The following GRM5 variants were observed in gnomAD, a reference collection of about 807,000 sequenced individuals.
GRM5 encodes glutamate metabotropic receptor 5.
Under a neutral mutation model 83.1 loss-of-function variants are expected in GRM5, and 19 were observed. The observed-to-expected ratio is 0.23, with a 90% CI of 0.16 to 0.34. The LOEUF is 0.34. GRM5 is among the 10% of genes least tolerant of loss of function. GRM5 has a pLI of 1.00. For synonymous variants in GRM5, 675 were observed against 633.6 expected (o/e 1.07, Z -0.98); for missense variants, 1,160 against 1,588.3 (o/e 0.73, Z 4.58).
rs1000998634 is a variant in GRM5 at position 88,757,163 on chromosome 11, A to C, written c.911+92743T>G. Among the ~76,000 whole-genome samples, 6 of 152,260 alleles carry C rather than the reference A, an allele frequency of 3.9e-5. No homozygotes were observed. The East Asian group carries it at 7.7e-4, about 20-fold the overall frequency. The stretch of plus-strand genomic sequence containing the variant: ...ATTCAAAGCAGTCAAAGGAAAAAAA[A>C]CCGATCTGTCAAATGAGAATTCCAT... On this transcript the variant is annotated intron_variant, in intron 3 of 9. Coordinates refer to ENST00000305447, the MANE Select transcript of GRM5 (RefSeq NM_001143831.3).
intron 2 of GRM5, among the ~76,000 whole-genome samples, chr11:88,956,774 C>G (rs1938630450): frequency 6.6e-6 from 1 of 152,196 alleles, no homozygotes; most frequent in Non-Finnish European, 1.5e-5. Flanking sequence ...CCACTGCAGT[C>G]CGGCCTGGGC....
Position 88,732,859 on chromosome 11 carries a change from C to G in GRM5, c.912-79456G>C, listed in dbSNP as rs112868098. ...TTCTGCCCTAGAGACTGTGGATGTC[C>G]TGTCTTGGCTATAGTTTTCCAGGAC... On this transcript the variant is annotated intron_variant, in intron 3 of 9. Transcript: ENST00000305447. 3.5e-3 allele frequency among the ~76,000 whole-genome samples: 531 copies of G among 152,116 alleles called. 1 individual carries two copies. The highest frequency in any genetic ancestry group is 0.012 in the African/African-American group (506 of 41,530).
chr11:88,649,301 A>T (rs1939563946), intron 4 of GRM5, among the ~76,000 whole-genome samples: 1 of 139,874 alleles, frequency 7.1e-6, no homozygotes, highest in Admixed American at 7.6e-5. Flanking sequence ...CATATATATT[A>T]TACATTACAT....
Position 88,522,599 on chromosome 11 carries a change from CTCTCTG to C in GRM5, c.2726+2704_2726+2709del, listed in dbSNP as rs1319633470. ...TCTCTCTCTCTCTCGCTCTCTCTCT[CTCTCTG>C]TGTGTGTGTGTGTGTGTGTGTGTGT... is the stretch of plus-strand genomic sequence containing the variant. On this transcript the variant is annotated intron_variant, in intron 9 of 9. Transcript: ENST00000305447. Among the ~76,000 whole-genome samples, 7 of 97,348 alleles carry C rather than the reference CTCTCTG, an allele frequency of 7.2e-5. No individual in the cohort carries two copies. The East Asian group carries it at 1.8e-3, about 25-fold the overall frequency. 63.9% of individuals were successfully genotyped at this position (97,348 alleles called of 152,430 possible).
intron 7 of GRM5, among the ~76,000 whole-genome samples, chr11:88,575,266 A>G (rs1591359304): frequency 6.6e-6 from 1 of 152,206 alleles, no homozygotes; most frequent in East Asian, 1.9e-4. Context: ...ATCATGTGTT[A>G]TTCCAGAAAT....
At chr11:88,773,749 A>T (rs1942788606) in intron 3 of GRM5, among the ~76,000 whole-genome samples, 1 of 152,204 alleles carries the variant, frequency 6.6e-6, no homozygotes. Flanking sequence ...TTTGTCAAAA[A>T]TCAGATGGTT....
chr11:88,643,540 A>G (rs1939354595), intron 4 of GRM5, among the ~76,000 whole-genome samples: 1 of 152,190 alleles, frequency 6.6e-6, no homozygotes, highest in Admixed American at 6.5e-5. Context: ...CAATAAGATT[A>G]GGGAATAATC....
chr11:88,519,552 G>A (rs1243655567), intron 9 of GRM5, among the ~76,000 whole-genome samples: 1 of 152,136 alleles, frequency 6.6e-6, no homozygotes, highest in African/African-American at 2.4e-5. Flanking sequence ...TGCAGATAAA[G>A]CATTTGACAC....
chr11:88,897,676 T>A (rs1945251073), intron 2 of GRM5, among the ~76,000 whole-genome samples: 1 of 151,826 alleles, frequency 6.6e-6, no homozygotes, highest in South Asian at 2.1e-4. Context: ...CATTCTACAA[T>A]GCATAGGAAA....
chr11:88,644,956 G>C (rs1447462638), intron 4 of GRM5, among the ~76,000 whole-genome samples: 1 of 151,972 alleles, frequency 6.6e-6, no homozygotes, highest in Non-Finnish European at 1.5e-5. Flanking sequence ...ACTTTTATAG[G>C]GGAGTGGTTG....
chr11:88,679,091 A>T (rs1368130870), intron 3 of GRM5, among the ~76,000 whole-genome samples: 1 of 152,306 alleles, frequency 6.6e-6, no homozygotes. Context: ...TTTTAGAAAC[A>T]ACTTTCTATA....
intron 8 of GRM5, among the ~76,000 whole-genome samples, chr11:88,549,703 C>T (rs183074310): frequency 1.0e-3 from 156 of 152,022 alleles, no homozygotes; most frequent in Middle Eastern, 3.4e-3. Flanking sequence ...ATGTAGCAGA[C>T]TGGTGGCTGG....
chr11:88,893,373 T>C (rs1293594912), intron 2 of GRM5, among the ~76,000 whole-genome samples: 12 of 152,026 alleles, frequency 7.9e-5, no homozygotes, highest in Non-Finnish European at 4.4e-5. Flanking sequence ...TTGAGCATGT[T>C]ATAGATGGTT....
chr11:88,510,673 C>T (rs539721390), intron 9 of GRM5, among the ~76,000 whole-genome samples: 3 of 152,310 alleles, frequency 2.0e-5, no homozygotes, highest in East Asian at 3.9e-4. Flanking sequence ...TGCGCCACCA[C>T]GCCCAGCTAA....
intron 2 of GRM5, among the ~76,000 whole-genome samples, chr11:88,915,475 C>T (rs1474086842): frequency 6.6e-6 from 1 of 152,058 alleles, no homozygotes; most frequent in Non-Finnish European, 1.5e-5. Context: ...AGTTCTTGCT[C>T]CCTTGCCCCA....
intron 3 of GRM5, among the ~76,000 whole-genome samples, chr11:88,669,898 T>G (rs1038179239): frequency 7.9e-5 from 12 of 152,002 alleles, no homozygotes; most frequent in African/African-American, 2.9e-4. Flanking sequence ...CCAGTGGGTT[T>G]TCCTTGGTGG....
intron 4 of GRM5, among the ~76,000 whole-genome samples, chr11:88,637,787 C>T (rs1289175279): frequency 6.8e-6 from 1 of 147,680 alleles, no homozygotes; most frequent in African/African-American, 2.5e-5. Context: ...CCATTTGACC[C>T]AGCCATCCCA....
At chr11:88,962,483 T>A (rs995478864) in intron 2 of GRM5, among the ~76,000 whole-genome samples, 1 of 152,174 alleles carries the variant, frequency 6.6e-6, no homozygotes, top group Non-Finnish European at 1.5e-5. Flanking sequence ...CCCTAACATA[T>A]CTGTATATTG....
chr11:88,756,325 T>C (rs10765743), intron 3 of GRM5, among the ~76,000 whole-genome samples: 110,021 of 152,042 alleles, frequency 0.72, 40,243 homozygotes, highest in African/African-American at 0.75. Context: ...CATCCAAAGA[T>C]AGAAAATCAG....
Sources: gnomAD v4.1 joint callset for allele counts (sites outside exome capture counted in the v4.1 genomes callset) on GRCh38, gnomAD v4.1.1 for gene constraint, MANE v1.5 for transcripts, NCBI Gene and HGNC (gene_info 2026-07-23, HGNC 2026-07-21) for gene names.